The following PDE1C variants were observed in gnomAD, a reference collection of about 807,000 sequenced individuals.
PDE1C encodes dual specificity calcium/calmodulin-dependent 3',5'-cyclic nucleotide phosphodiesterase 1C.
PDE1C carries 62 observed loss-of-function variants against 93.1 expected under a neutral mutation model. That is an observed-to-expected ratio of 0.67 (90% CI 0.54 to 0.82). PDE1C has a LOEUF of 0.82. Ranked by LOEUF, PDE1C falls within the 40% of genes least tolerant of loss-of-function variation. The probability of loss-of-function intolerance (pLI) is 0.00; values close to 1 mark genes in which losing one functional copy is unlikely to be tolerated. For synonymous variants in PDE1C, 325 were observed against 310.1 expected (o/e 1.05, Z -0.50); for missense variants, 742 against 884.6 (o/e 0.84, Z 2.04).
intron 7 of PDE1C, among the ~76,000 whole-genome samples, chr7:31,859,142 A>AT (rs1794375395): frequency 6.7e-6 from 1 of 149,454 alleles, no homozygotes; most frequent in Non-Finnish European, 1.5e-5. Context: ...CTATATATAT[A>AT]GACTATATGT....
rs536975360 is a variant in PDE1C at position 31,936,673 on chromosome 7, C to G, written c.129-55813G>C. Among the ~76,000 whole-genome samples, 3 of 152,230 alleles carry G rather than the reference C, an allele frequency of 2.0e-5. No homozygotes were observed. In the East Asian group the frequency reaches 5.8e-4, roughly 29 times the overall value. ...ACTTTGCTTTTCTGGTTTAATGACTCATCACAGATTAGAAACCAGGAATTT... is the reference window on the plus strand; with the variant it reads ...ACTTTGCTTTTCTGGTTTAATGACTGATCACAGATTAGAAACCAGGAATTT... On this transcript the variant is annotated intron_variant, in intron 2 of 17. Coordinates refer to ENST00000396191, the MANE Select transcript of PDE1C (RefSeq NM_001191057.4).
At chr7:32,230,515 C>T (rs934758804) in intron 1 of PDE1C, among the ~76,000 whole-genome samples, 6 of 152,056 alleles carry the variant, frequency 3.9e-5, no homozygotes, top group Non-Finnish European at 8.8e-5. Context: ...TCACAGTAAC[C>T]ACCACCCCCA....
intron 1 of PDE1C, among the ~76,000 whole-genome samples, chr7:32,380,227 T>G (rs932450364): frequency 6.6e-6 from 1 of 151,560 alleles, no homozygotes; most frequent in African/African-American, 2.4e-5. Context: ...CCTCTCTCTC[T>G]CTCTCTTTTT....
At chr7:31,819,089 T>C (rs2128729162) in intron 14 of PDE1C, among the ~76,000 whole-genome samples, 1 of 152,248 alleles carries the variant, frequency 6.6e-6, no homozygotes, top group Non-Finnish European at 1.5e-5. Context: ...GACATCATGA[T>C]CTAATCAGAT....
chr7:31,657,857 G>GA, the PDE1C span, among the ~76,000 whole-genome samples: 12 of 151,180 alleles, frequency 7.9e-5, no homozygotes, highest in East Asian at 5.8e-4. Flanking sequence ...AAATGAAAAT[G>GA]AAAAAAAAGA....
chr7:32,390,459 A>C (rs1348780345), intron 1 of PDE1C, among the ~76,000 whole-genome samples: 3 of 151,780 alleles, frequency 2.0e-5, no homozygotes, highest in Non-Finnish European at 4.4e-5. Context: ...AATGCATAGG[A>C]CAGCTTCCAA....
At chr7:32,409,995 T>G (rs1785132657) in intron 1 of PDE1C, among the ~76,000 whole-genome samples, 1 of 151,990 alleles carries the variant, frequency 6.6e-6, no homozygotes, top group Admixed American at 6.6e-5. Flanking sequence ...AGGAATGTAA[T>G]TATGAATATA....
the PDE1C span, among the ~76,000 whole-genome samples, chr7:31,664,064 G>C: frequency 4.6e-5 from 7 of 152,178 alleles, no homozygotes; most frequent in South Asian, 4.1e-4. Context: ...GATTTGCTCA[G>C]TGTCACACAA....
chr7:31,936,033 C>T lies in PDE1C; in HGVS notation c.129-55173G>A, dbSNP rs756340571. On this transcript the variant is annotated intron_variant, in intron 2 of 17. Coordinates refer to ENST00000396191, the MANE Select transcript of PDE1C (RefSeq NM_001191057.4). ...CCGTCTGTAAGATATTCACAGCAAC[C>T]TCTATCAAAGTTTCAGCCATTTCCC... Among the ~76,000 whole-genome samples the T allele has an allele frequency of 3.9e-5, 6 of 152,196 alleles. 1 individual carries two copies. Among genetic ancestry groups the T allele is most frequent in the Admixed American group, 2.0e-4 (3 of 15,264 alleles).
intron 2 of PDE1C, among the ~76,000 whole-genome samples, chr7:32,180,232 C>T (rs922420919): frequency 6.6e-6 from 1 of 152,134 alleles, no homozygotes. Context: ...GGAATTCTGT[C>T]TCCTGCAATT....
chr7:32,094,547 G>C (rs1423081030), intron 3 of PDE1C, among the ~76,000 whole-genome samples: 1 of 152,202 alleles, frequency 6.6e-6, no homozygotes, highest in Non-Finnish European at 1.5e-5. Context: ...AGCAGTTATT[G>C]TTGAACAGAT....
At chr7:31,933,172 T>C (rs909216611) in intron 2 of PDE1C, among the ~76,000 whole-genome samples, 7 of 152,092 alleles carry the variant, frequency 4.6e-5, no homozygotes, top group African/African-American at 7.2e-5. Flanking sequence ...CCATGGTACA[T>C]GTATACCTAT....
chr7:31,673,852 T>G, the PDE1C span, among the ~76,000 whole-genome samples: 1 of 152,198 alleles, frequency 6.6e-6, no homozygotes, highest in Non-Finnish European at 1.5e-5. Flanking sequence ...GAATTTTAAT[T>G]AAACTCTAAA....
chr7:32,283,650 T>G (rs1322843940), intron 1 of PDE1C, among the ~76,000 whole-genome samples: 4 of 152,170 alleles, frequency 2.6e-5, no homozygotes, highest in Non-Finnish European at 4.4e-5. Context: ...TGAGGGACAC[T>G]TTCAGTGGGA....
chr7:32,038,374 G>C (rs544972955), intron 2 of PDE1C, among the ~76,000 whole-genome samples: 1 of 152,108 alleles, frequency 6.6e-6, no homozygotes, highest in Non-Finnish European at 1.5e-5. Context: ...GTTTTGCAGA[G>C]AGTTAATTAT....
intron 1 of PDE1C, among the ~76,000 whole-genome samples, chr7:32,296,607 A>G (rs2128899911): frequency 6.6e-6 from 1 of 152,338 alleles, no homozygotes; most frequent in African/African-American, 2.4e-5. Flanking sequence ...GACCATACCA[A>G]TCTGCTAGAC....
At chr7:32,067,205 T>G (rs990568306) in intron 1 of PDE1C, among the ~76,000 whole-genome samples, 1 of 152,152 alleles carries the variant, frequency 6.6e-6, no homozygotes, top group Admixed American at 6.5e-5. Context: ...ATGCTAAGAG[T>G]TATTCCTAAT....
At chr7:31,748,581 A>G (rs1794054814), downstream of PDE1C, among the ~76,000 whole-genome samples, 2 of 152,246 alleles carry the variant, frequency 1.3e-5, no homozygotes, top group South Asian at 4.1e-4. Flanking sequence ...CCCCAAAAGC[A>G]GCTTTTCATG....
At position 32,395,550 on chromosome 7, in the gene PDE1C, G is replaced by GA. The variant is rs1426683070; in HGVS notation, c.310+32271dup. On this transcript the variant is annotated intron_variant, in intron 1 of 1. Coordinates refer to the PDE1C transcript ENST00000672256. ...GCAGAAGCCAGTGAGGATGGGCTTA[G>GA]ACTGTTGATCTTCATCCTATCAGCA... Among the ~76,000 whole-genome samples, 5 of 152,180 alleles carry GA rather than the reference G, an allele frequency of 3.3e-5. No individual in the cohort carries two copies. The East Asian group carries it at 9.6e-4, about 29-fold the overall frequency.
Sources: allele counts gnomAD v4.1 joint callset (sites outside exome capture counted in the v4.1 genomes callset), GRCh38; gene constraint gnomAD v4.1.1; transcripts MANE v1.5; gene names NCBI Gene and HGNC (gene_info 2026-07-23, HGNC 2026-07-21).